The following SLC2A9 variants were observed in gnomAD, a reference collection of about 807,000 sequenced individuals.
SLC2A9 encodes solute carrier family 2, facilitated glucose transporter member 9.
A neutral mutation model predicts 50.6 loss-of-function variants in SLC2A9; 39 were observed. The ratio of observed to expected loss-of-function variants is 0.77; its 90% CI spans 0.60 to 1.01. The LOEUF is 1.01. SLC2A9 is among the 50% of genes least tolerant of loss of function. The probability of loss-of-function intolerance (pLI) is 0.00; values close to 1 mark genes in which losing one functional copy is unlikely to be tolerated. For missense variants in SLC2A9, 686 were observed against 677.6 expected (o/e 1.01, Z -0.14); for synonymous variants, 324 against 276.9 (o/e 1.17, Z -1.69).
intron 6 of SLC2A9, among the ~76,000 whole-genome samples, chr4:9,934,879 C>T (rs1042926928): frequency 1.3e-5 from 2 of 152,196 alleles, no homozygotes; most frequent in Non-Finnish European, 2.9e-5. Flanking sequence ...CATTGTTCAG[C>T]TCCCACTTAT....
At chr4:9,792,119 C>T (rs1399463300) in intron 3 of SLC2A9, among the ~76,000 whole-genome samples, 2 of 145,474 alleles carry the variant, frequency 1.4e-5, no homozygotes, top group Admixed American at 6.8e-5. Context: ...GCTCATTTCT[C>T]TATTCCAGGA....
At chr4:9,950,051 G>A (rs185189342) in intron 5 of SLC2A9, among the ~76,000 whole-genome samples, 109 of 152,214 alleles carry the variant, frequency 7.2e-4, no homozygotes, top group African/African-American at 2.2e-3. Context: ...GTGGCTGGTC[G>A]TGTTTGCCTT....
Position 9,886,072 on chromosome 4 carries a change from G to A in SLC2A9, c.1291+1495C>T, listed in dbSNP as rs369150120. On this transcript the variant is annotated intron_variant, in intron 10 of 11. Coordinates refer to ENST00000264784, the MANE Select transcript of SLC2A9 (RefSeq NM_020041.3). ...GTGAGTGTATATAGTAAATGTGTGT[G>A]TGCTGGTTTTAGAATAAGTGGCCAG... Among the ~76,000 whole-genome samples the A allele has an allele frequency of 1.2e-3, 184 of 152,310 alleles. 1 individual carries two copies. The highest frequency in any genetic ancestry group is 4.2e-3 in the African/African-American group (175 of 41,576).
chr4:9,879,148 C>A, intron 10 of SLC2A9: 1 of 975,558 alleles, frequency 1.0e-6, no homozygotes, highest in South Asian at 4.8e-5. Context: ...CCAACCATGG[C>A]CATTGTAATG....
At chr4:9,931,976 A>ATG (rs1746188153) in intron 6 of SLC2A9, among the ~76,000 whole-genome samples, 2 of 62,022 alleles carry the variant, frequency 3.2e-5, no homozygotes, top group Non-Finnish European at 5.8e-5. Flanking sequence ...ATATATATAT[A>ATG]TATATATATA....
chr4:9,890,895 G>A (rs1022594130), intron 8 of SLC2A9, among the ~76,000 whole-genome samples, 184 bp from the exon 9 acceptor site: 11 of 152,162 alleles, frequency 7.2e-5, no homozygotes, highest in African/African-American at 2.4e-4. Flanking sequence ...AGGAAAAAGC[G>A]AGGGAGAGAA....
chr4:9,823,245 C>T (rs1236384235), downstream of SLC2A9, among the ~76,000 whole-genome samples: 1 of 152,070 alleles, frequency 6.6e-6, no homozygotes, highest in Admixed American at 6.5e-5. Flanking sequence ...AACTCCTGGT[C>T]AGGAATTAGG....
downstream of SLC2A9, among the ~76,000 whole-genome samples, chr4:9,821,991 TAAA>T (rs976724479): frequency 7.2e-5 from 11 of 152,240 alleles, no homozygotes; most frequent in African/African-American, 2.7e-4. Context: ...CTATTTCATT[TAAA>T]GTTGTTGAAT....
intron 1 of SLC2A9, chr4:10,035,997 G>A (rs12642537): frequency 0.085 from 16,326 of 192,334 alleles, 1,363 homozygotes; most frequent in East Asian, 0.46. Flanking sequence ...TTTGGACTGA[G>A]CCGTGCTGCC....
chr4:9,924,983 C>T (rs1284311865), intron 6 of SLC2A9, among the ~76,000 whole-genome samples: 1 of 152,208 alleles, frequency 6.6e-6, no homozygotes, highest in African/African-American at 2.4e-5. Flanking sequence ...CTCTTCTGCA[C>T]ACAAATCTGT....
At chr4:9,879,242 G>C (rs1734800329) in intron 10 of SLC2A9, 3 of 985,420 alleles carry the variant, frequency 3.0e-6, no homozygotes, top group African/African-American at 1.7e-5. Flanking sequence ...AAAGTCTCAA[G>C]ATGCAGTATG....
chr4:9,771,681 GA>G, intron 1 of SLC2A9, among the ~76,000 whole-genome samples: 1 of 152,364 alleles, frequency 6.6e-6, no homozygotes, highest in African/African-American at 2.4e-5. Context: ...CGAGCGAACA[GA>G]TCATTCACTT....
At chr4:10,033,776 G>C (rs983175457) in intron 1 of SLC2A9, among the ~76,000 whole-genome samples, 9 of 152,178 alleles carry the variant, frequency 5.9e-5, no homozygotes, top group Middle Eastern at 3.2e-3. Flanking sequence ...GGTGGGAAAC[G>C]GGTGTCGCTG....
upstream of SLC2A9, chr4:10,021,575 A>C: frequency 3.3e-6 from 4 of 1,216,408 alleles, no homozygotes; most frequent in South Asian, 5.2e-5. Context: ...CTGAACAGGC[A>C]ACGGGGCAAC....
chr4:10,025,393 G>C (rs987771830), upstream of SLC2A9, among the ~76,000 whole-genome samples: 1 of 152,126 alleles, frequency 6.6e-6, no homozygotes, highest in Non-Finnish European at 1.5e-5. Context: ...CTTTAAATGA[G>C]AGCCCTATGT....
At chr4:9,864,988 C>T (rs1487888392) in intron 10 of SLC2A9, among the ~76,000 whole-genome samples, 1 of 152,248 alleles carries the variant, frequency 6.6e-6, no homozygotes, top group East Asian at 1.9e-4. Flanking sequence ...GAGCTGTGAG[C>T]ATGAACACTT....
intron 5 of SLC2A9, among the ~76,000 whole-genome samples, chr4:9,956,614 C>T (rs1171213563): frequency 6.6e-6 from 1 of 152,190 alleles, no homozygotes; most frequent in African/African-American, 2.4e-5. Context: ...AGGCTGGGTG[C>T]TATTTGAGTC....
At chr4:9,828,159 G>T (rs2109089147) in intron 11 of SLC2A9, among the ~76,000 whole-genome samples, 1 of 152,150 alleles carries the variant, frequency 6.6e-6, no homozygotes, top group Middle Eastern at 3.4e-3. Flanking sequence ...ACACTTGGAG[G>T]CAGGCTGAGC....
intron 5 of SLC2A9, among the ~76,000 whole-genome samples, chr4:9,962,658 A>G (rs1331156025): frequency 6.6e-6 from 1 of 152,176 alleles, no homozygotes; most frequent in Non-Finnish European, 1.5e-5. Flanking sequence ...GCAAACCACC[A>G]TGACACATGT....
Sources: gnomAD v4.1 joint callset for allele counts (sites outside exome capture counted in the v4.1 genomes callset) on GRCh38, gnomAD v4.1.1 for gene constraint, MANE v1.5 for transcripts, NCBI Gene and HGNC (gene_info 2026-07-23, HGNC 2026-07-21) for gene names.